DPYD: variants seen among roughly 807,000 people sequenced by gnomAD.
The protein encoded by DPYD is dihydropyrimidine dehydrogenase [NADP(+)].
A neutral mutation model predicts 116.2 loss-of-function variants in DPYD; 109 were observed. The observed-to-expected ratio is 0.94, with a 90% CI of 0.80 to 1.10. The LOEUF (loss-of-function observed/expected upper bound fraction) is 1.10. Ranked by LOEUF, DPYD falls within the 50% of genes least tolerant of loss-of-function variation. The pLI is 0.00. For synonymous variants in DPYD, 440 were observed against 432.0 expected (o/e 1.02, Z -0.23); for missense variants, 1,302 against 1,254.5 (o/e 1.04, Z -0.57).
chr1:97,754,411 T>G (rs922483129), intron 3 of DPYD, among the ~76,000 whole-genome samples: 1 of 152,122 alleles, frequency 6.6e-6, no homozygotes, highest in East Asian at 1.9e-4. Context: ...TTTGTAAAAA[T>G]GGAAAATTCC....
At chr1:97,480,879 C>T (rs763466344) in intron 13 of DPYD, among the ~76,000 whole-genome samples, 1 of 152,048 alleles carries the variant, frequency 6.6e-6, no homozygotes, top group Non-Finnish European at 1.5e-5. Flanking sequence ...GCTTGAGAAG[C>T]TGAGGTAGGA....
chr1:97,893,786 C>T (rs12406713), intron 1 of DPYD, among the ~76,000 whole-genome samples: 112,516 of 151,364 alleles, frequency 0.74, 42,166 homozygotes, highest in East Asian at 0.93. Context: ...GGAAGCTCTT[C>T]GTCTGTCTTT....
chr1:97,078,712 G>A lies in DPYD; in HGVS notation c.*264C>T, dbSNP rs924547113. ...GTTAATTTTTCACATAAGACAACTG[G>A]CAGTGAACATCCAATTAACTGCCAC... On this transcript the variant is annotated 3_prime_UTR_variant, in exon 23 of 23. Coordinates refer to ENST00000370192, the MANE Select transcript of DPYD (RefSeq NM_000110.4). 6.6e-6 allele frequency: 3 copies of A among 458,012 alleles called. No homozygotes were observed. The highest frequency in any genetic ancestry group is 5.9e-5 in the African/African-American group (3 of 50,490). 28.4% of individuals were successfully genotyped at this position (458,012 alleles called of 1,614,324 possible).
rs577544026 is a variant in DPYD, at chr1:97,323,308, G to A, written c.2059-17011C>T. Among the ~76,000 whole-genome samples the A allele has an allele frequency of 7.6e-5, 11 of 144,322 alleles. No homozygotes were observed. The South Asian group carries it at 2.1e-3, about 27-fold the overall frequency. 94.7% of individuals were successfully genotyped at this position (144,322 alleles called of 152,430 possible). The stretch of plus-strand genomic sequence containing the variant: ...TATATACATATGTGTATATGTACAC[G>A]TATATATACATATGTGTATATGTAC... On this transcript the variant is annotated intron_variant, in intron 16 of 22. Coordinates refer to ENST00000370192, the MANE Select transcript of DPYD (RefSeq NM_000110.4).
chr1:97,176,868 A>ATGTGTGTGTGTGTG (rs10677535), intron 20 of DPYD, among the ~76,000 whole-genome samples: 2,444 of 146,648 alleles, frequency 0.017, 42 homozygotes, highest in Non-Finnish European at 0.023. Flanking sequence ...GGACAAAAAA[A>ATGTGTGTGTGTGTG]TGTGTGTGTG....
intron 20 of DPYD, among the ~76,000 whole-genome samples, chr1:97,165,142 C>CAA (rs913774876): frequency 6.6e-6 from 1 of 152,102 alleles, no homozygotes; most frequent in African/African-American, 2.4e-5. Context: ...GCAAAAAGAA[C>CAA]AAAGCTGGAA....
intron 19 of DPYD, among the ~76,000 whole-genome samples, chr1:97,214,545 T>A (rs1660247389): frequency 6.6e-6 from 1 of 152,180 alleles, no homozygotes. Context: ...GTGGATTAAG[T>A]GCCATACTGG....
intron 16 of DPYD, among the ~76,000 whole-genome samples, chr1:97,319,643 T>C (rs1668110971): frequency 8.6e-6 from 1 of 116,758 alleles, no homozygotes; most frequent in African/African-American, 3.4e-5. Context: ...AGCCGAATTC[T>C]ACCAGAGGTA....
At chr1:97,409,351 G>C (rs1339696594) in intron 14 of DPYD, among the ~76,000 whole-genome samples, 2 of 152,124 alleles carry the variant, frequency 1.3e-5, no homozygotes, top group African/African-American at 2.4e-5. Flanking sequence ...GAGTGGTACT[G>C]TGTCTTAGGC....
intron 11 of DPYD, among the ~76,000 whole-genome samples, chr1:97,567,905 G>T (rs1557804518): frequency 6.6e-6 from 1 of 151,756 alleles, no homozygotes; most frequent in African/African-American, 2.4e-5. Context: ...AAGTTTTAGG[G>T]TACATATGCA....
At chr1:97,859,961 T>C (rs1008004275) in intron 2 of DPYD, among the ~76,000 whole-genome samples, 1 of 151,660 alleles carries the variant, frequency 6.6e-6, no homozygotes, top group Non-Finnish European at 1.5e-5. Context: ...TGAATATAAA[T>C]ATTTGTAACC....
intron 20 of DPYD, among the ~76,000 whole-genome samples, chr1:97,119,612 C>T (rs1007734796): frequency 6.6e-6 from 1 of 152,084 alleles, no homozygotes; most frequent in East Asian, 1.9e-4. Context: ...CTGTGAGGAT[C>T]CAGTAAAAGG....
At chr1:97,106,940 A>C (rs958070002) in intron 20 of DPYD, among the ~76,000 whole-genome samples, 3 of 152,146 alleles carry the variant, frequency 2.0e-5, no homozygotes, top group African/African-American at 7.2e-5. Context: ...ATAACCTATT[A>C]GTTATGTATG....
intron 8 of DPYD, among the ~76,000 whole-genome samples, chr1:97,664,832 T>C (rs1267993604): frequency 6.6e-6 from 1 of 152,028 alleles, no homozygotes; most frequent in Non-Finnish European, 1.5e-5. Flanking sequence ...AAAATGACTA[T>C]AAGTTGTAAA....
intron 19 of DPYD, among the ~76,000 whole-genome samples, chr1:97,210,326 A>G (rs1472109940): frequency 6.6e-6 from 1 of 152,010 alleles, no homozygotes; most frequent in Non-Finnish European, 1.5e-5. Context: ...TATGAATTTC[A>G]TTTCTTTTAC....
chr1:97,288,466 C>T (rs561112920), intron 18 of DPYD, among the ~76,000 whole-genome samples: 2 of 151,910 alleles, frequency 1.3e-5, no homozygotes, highest in African/African-American at 2.4e-5. Flanking sequence ...TGTAAAAGAA[C>T]AGAAATTATA....
intron 22 of DPYD, among the ~76,000 whole-genome samples, chr1:97,081,112 A>G (rs931932648): frequency 6.8e-6 from 1 of 147,848 alleles, no homozygotes; most frequent in African/African-American, 2.5e-5. Context: ...TTGGTGTAGA[A>G]CTGTGGAACT....
rs951036887 is a variant in DPYD at position 97,398,477 on chromosome 1, A to G, written c.1906-16016T>C. ...GTATATACTCAGTAATGGGATCACT[A>G]GGTCAAATGGTATTTCTAGTTCTAG... On this transcript the variant is annotated intron_variant, in intron 14 of 22. Coordinates refer to ENST00000370192, the MANE Select transcript of DPYD (RefSeq NM_000110.4). 1.8e-4 allele frequency among the ~76,000 whole-genome samples: 28 copies of G among 152,050 alleles called. 1 individual carries two copies. The highest frequency in any genetic ancestry group is 5.8e-4 in the African/African-American group (24 of 41,416).
Position 97,468,296 on chromosome 1 carries a change from G to T in DPYD, c.1741-18073C>A, listed in dbSNP as rs111479547. Among the ~76,000 whole-genome samples, 89 of 151,964 alleles carry T rather than the reference G, an allele frequency of 5.9e-4. 5 individuals carry two copies. The highest frequency in any genetic ancestry group is 2.1e-3 in the African/African-American group (86 of 41,430). ...TTTATACTATGGTCTGAATGTTTTT[G>T]TCCCTTCAAAATTCATATTTTAAAA... On this transcript the variant is annotated intron_variant, in intron 13 of 22. Coordinates refer to ENST00000370192, the MANE Select transcript of DPYD (RefSeq NM_000110.4).
Sources: allele counts gnomAD v4.1 joint callset (sites outside exome capture counted in the v4.1 genomes callset), GRCh38; gene constraint gnomAD v4.1.1; transcripts MANE v1.5; gene names NCBI Gene and HGNC (gene_info 2026-07-23, HGNC 2026-07-21).